CSF2RA: variants seen among roughly 807,000 people sequenced by gnomAD.
The protein encoded by CSF2RA is colony stimulating factor 2 receptor subunit alpha.
A neutral mutation model predicts 51.6 loss-of-function variants in CSF2RA; 42 were observed. The observed-to-expected ratio is 0.81, with a 90% CI of 0.64 to 1.05. CSF2RA has a LOEUF of 1.05. Ranked by LOEUF, CSF2RA falls within the 50% of genes least tolerant of loss-of-function variation. The probability of loss-of-function intolerance (pLI) is 0.00; values close to 1 mark genes in which losing one functional copy is unlikely to be tolerated. For missense variants in CSF2RA, 530 were observed against 501.1 expected, an observed-to-expected ratio of 1.06 and a Z score of -0.55; for synonymous variants, 222 against 193.0, an observed-to-expected ratio of 1.15 and a Z score of -1.24.
intron 2 of CSF2RA, among the ~76,000 whole-genome samples, chrX:1,281,307 TTCCTTCTCCTCCTCC>T (rs1569494960): frequency 2.5e-4 from 12 of 48,826 alleles, no homozygotes; most frequent in African/African-American, 7.1e-4. Context: ...CCTCCTTCTC[TTCCTTCTCCTCCTCC>T]TCCTTCTCCT....
chrX:1,314,346 C>T (rs1442480770), downstream of CSF2RA, among the ~76,000 whole-genome samples: 44 of 136,420 alleles, frequency 3.2e-4, no homozygotes, highest in African/African-American at 7.3e-4. Flanking sequence ...CCCCACTGCG[C>T]CTGCCCAACC....
At chrX:1,294,985 C>CCTG (rs2091793338) in intron 8 of CSF2RA, among the ~76,000 whole-genome samples, 1 of 33,350 alleles carries the variant, frequency 3.0e-5, no homozygotes, top group African/African-American at 1.3e-4. Flanking sequence ...ACGTCCACCT[C>CCTG]GATCCAGTGT....
At chrX:1,280,642 T>TC (rs749392476) in intron 2 of CSF2RA, among the ~76,000 whole-genome samples, 4 of 150,462 alleles carry the variant, frequency 2.7e-5, no homozygotes, top group Admixed American at 2.0e-4. Flanking sequence ...CTCCTCCTTC[T>TC]CCCCCCTTCC....
In CSF2RA at chrX:1,304,123, C is replaced by G; in HGVS notation, c.1043+104C>G. On this transcript the variant is annotated intron_variant, in intron 11 of 12. Coordinates refer to ENST00000381529, the MANE Select transcript of CSF2RA (RefSeq NM_172245.4). ...CTGTCTCTGAGAAAGAGAAACACAG[C>G]CTTGGCCGGGCGTGTTGGCTCATGC... The G allele has an allele frequency of 6.4e-6, 7 of 1,093,872 alleles. No individual in the cohort carries two copies. In the South Asian group the frequency reaches 8.7e-5, roughly 14 times the overall value. 67.8% of individuals were successfully genotyped at this position (1,093,872 alleles called of 1,614,324 possible). A position where few individuals can be genotyped will look rare whatever the true frequency, so the allele number is the denominator to read the frequency against.
At chrX:1,305,034 C>CTG (rs2083421884) in intron 11 of CSF2RA, among the ~76,000 whole-genome samples, 1 of 149,438 alleles carries the variant, frequency 6.7e-6, no homozygotes. Flanking sequence ...CACTCTGTCA[C>CTG]CCAGGCTGGA....
Position 1,285,834 on chromosome X carries a change from A to G in CSF2RA, c.133A>G (p.Met45Val). ...CAATGTGAGGTTTGACTCCAGGACGATGAATTTAAGCTGGGACTGCCAAGA... is the reference window on the plus strand; with the variant it reads ...CAATGTGAGGTTTGACTCCAGGACGGTGAATTTAAGCTGGGACTGCCAAGA... ...SLNVRFDSRT[M>V]NLSWDCQENT... is the part of the protein sequence containing the mutation. Residue 45 changes from methionine (M) to valine (V), a missense_variant, in exon 4 of 13, where the codon ATG becomes GTG. Met to Val is a conservative substitution (Grantham distance 21). Coordinates refer to ENST00000381529, the MANE Select transcript of CSF2RA (RefSeq NM_172245.4). 1 of 1,613,802 alleles carries G rather than the reference A, an allele frequency of 6.2e-7. No homozygotes were observed.
chrX:1,280,432 C>T (rs184488659), intron 2 of CSF2RA, among the ~76,000 whole-genome samples: 14 of 147,166 alleles, frequency 9.5e-5, no homozygotes, highest in South Asian at 2.1e-4. Context: ...GATTGCACCA[C>T]TGCACTCCAG....
In CSF2RA at chrX:1,285,870, T is replaced by TTG; in HGVS notation, c.170_171insGT (p.Phe57LeufsTer7). The TTG allele has an allele frequency of 6.2e-7, 1 of 1,613,892 alleles. No homozygotes were observed. ...CTGGGACTGCCAAGAAAACACAACC[T>TTG]TCAGCAAGTGTTTCTTAACTGACAA... On this transcript the variant is annotated frameshift_variant, in exon 4 of 13. Coordinates refer to ENST00000381529, the MANE Select transcript of CSF2RA (RefSeq NM_172245.4). LOFTEE classifies it high-confidence loss of function.
chrX:1,309,710 A>G lies in CSF2RA; in HGVS notation c.*231A>G. 1.1e-6 allele frequency: 1 copy of G among 944,968 alleles called. No individual in the cohort carries two copies. Among genetic ancestry groups the G allele is most frequent in the Non-Finnish European group, 1.7e-6 (1 of 582,374 alleles). 58.5% of individuals were successfully genotyped at this position (944,968 alleles called of 1,614,324 possible). ...AAGACCAGCCTGCCCAACATGGTGA[A>G]ACCCCATCTGGACTAAAAATGCAGA... is the stretch of plus-strand genomic sequence containing the variant. On this transcript the variant is annotated 3_prime_UTR_variant, in exon 13 of 13. Transcript: ENST00000381529.
chrX:1,288,475 G>A, intron 4 of CSF2RA, 44 bp from the exon 5 acceptor site: 3 of 1,613,610 alleles, frequency 1.9e-6, no homozygotes, highest in Non-Finnish European at 2.5e-6. Context: ...GTAGGAGACA[G>A]AAGGTTGTTT....
At chrX:1,325,090 G>A in the CSF2RA span, among the ~76,000 whole-genome samples, 16 of 151,574 alleles carry the variant, frequency 1.1e-4, no homozygotes, top group African/African-American at 3.6e-4. Context: ...ACTTTGCGCC[G>A]TGGCTCACGC....
chrX:1,284,814 G>A (rs1298553417), intron 3 of CSF2RA, among the ~76,000 whole-genome samples: 12 of 151,784 alleles, frequency 7.9e-5, no homozygotes, highest in African/African-American at 2.2e-4. Flanking sequence ...ACAGGTACCC[G>A]CCACCATGTC....
At chrX:1,278,500 A>G (rs1393205079) in intron 2 of CSF2RA, among the ~76,000 whole-genome samples, 4 of 145,194 alleles carry the variant, frequency 2.8e-5, no homozygotes, top group African/African-American at 1.0e-4. Context: ...CAGCCTCGCC[A>G]ACATGGTGAA....
At chrX:1,285,958 C>G (rs766110370) in intron 4 of CSF2RA, 38 bp downstream of exon 4, 9 of 1,613,536 alleles carry the variant, frequency 5.6e-6, no homozygotes, top group African/African-American at 1.3e-5. Context: ...CTGTCCTTTA[C>G]ACACCCCTTT....
chrX:1,317,897 C>T, the CSF2RA span, among the ~76,000 whole-genome samples: 1 of 151,572 alleles, frequency 6.6e-6, no homozygotes, highest in African/African-American at 2.4e-5. Flanking sequence ...GCCTCAACAT[C>T]CCAGGCTTAA....
chrX:1,301,996 G>A (rs1209391890), intron 10 of CSF2RA, among the ~76,000 whole-genome samples: 2 of 145,074 alleles, frequency 1.4e-5, no homozygotes, highest in Admixed American at 7.2e-5. Context: ...GGCTCACCGC[G>A]ATCTCCGCCT....
the CSF2RA span, among the ~76,000 whole-genome samples, chrX:1,318,283 C>A: frequency 6.6e-6 from 1 of 152,022 alleles, no homozygotes; most frequent in African/African-American, 2.4e-5. Flanking sequence ...CCTGCCTCAG[C>A]CTCCCAAGTA....
intron 11 of CSF2RA, among the ~76,000 whole-genome samples, chrX:1,305,199 G>C (rs1442523255): frequency 1.3e-5 from 2 of 150,092 alleles, no homozygotes; most frequent in Non-Finnish European, 3.0e-5. Context: ...TCACCACGTT[G>C]GCCAGGCTGG....
intron 3 of CSF2RA, among the ~76,000 whole-genome samples, chrX:1,283,600 T>G (rs1193150104): frequency 6.6e-6 from 1 of 151,186 alleles, no homozygotes; most frequent in African/African-American, 2.4e-5. Flanking sequence ...AGAGTCTCCC[T>G]CTTGTTGCCC....
Sources: gnomAD v4.1 joint callset for allele counts (sites outside exome capture counted in the v4.1 genomes callset) on GRCh38, gnomAD v4.1.1 for gene constraint, MANE v1.5 for transcripts, NCBI Gene and HGNC (gene_info 2026-07-23, HGNC 2026-07-21) for gene names.